QTGAL: variants seen among roughly 807,000 people sequenced by gnomAD.
QTGAL encodes BGnT-like protein 1.
the QTGAL span, among the ~76,000 whole-genome samples, chr17:82,951,314 A>G: frequency 3.3e-5 from 5 of 152,114 alleles, no homozygotes; most frequent in African/African-American, 4.8e-5. Flanking sequence ...CTCACCTCAC[A>G]CTCATATTAC....
At chr17:82,979,573 T>G in the QTGAL span, among the ~76,000 whole-genome samples, 1 of 152,320 alleles carries the variant, frequency 6.6e-6, no homozygotes, top group African/African-American at 2.4e-5. Context: ...TGTACAGGAC[T>G]TGTACACTAA....
At chr17:83,010,677 G>C in the QTGAL span, among the ~76,000 whole-genome samples, 27 of 152,370 alleles carry the variant, frequency 1.8e-4, no homozygotes, top group African/African-American at 6.5e-4. Flanking sequence ...TGGAAGTCCT[G>C]TTTATTTAAG....
the QTGAL span, among the ~76,000 whole-genome samples, chr17:83,020,346 A>C: frequency 6.6e-6 from 1 of 152,220 alleles, no homozygotes; most frequent in Non-Finnish European, 1.5e-5. Flanking sequence ...ACAATTACAA[A>C]GCCCAGGCCA....
At chr17:82,995,871 A>G in the QTGAL span, among the ~76,000 whole-genome samples, 1 of 152,268 alleles carries the variant, frequency 6.6e-6, no homozygotes, top group African/African-American at 2.4e-5. Flanking sequence ...TCTCATTTAC[A>G]ATAGTGATAA....
chr17:83,020,571 C>A, the QTGAL span, among the ~76,000 whole-genome samples: 4 of 152,334 alleles, frequency 2.6e-5, no homozygotes, highest in Middle Eastern at 3.4e-3. Flanking sequence ...AGCAGGACGC[C>A]CCTGGGGACA....
the QTGAL span, among the ~76,000 whole-genome samples, chr17:82,955,152 C>T: frequency 6.6e-6 from 1 of 152,198 alleles, no homozygotes; most frequent in East Asian, 1.9e-4. Context: ...GGAGCTTCTG[C>T]TCAGCAAAAG....
chr17:83,026,386 A>G, the QTGAL span, among the ~76,000 whole-genome samples: 1 of 152,276 alleles, frequency 6.6e-6, no homozygotes, highest in Non-Finnish European at 1.5e-5. Flanking sequence ...AAGCCTGTCC[A>G]CAGGAGGAAA....
the QTGAL span, among the ~76,000 whole-genome samples, chr17:83,051,289 CGCAGGAGCGAG>C: frequency 2.7e-4 from 33 of 120,886 alleles, no homozygotes; most frequent in African/African-American, 1.1e-3. Flanking sequence ...GGGGCAGGTG[CGCAGGAGCGAG>C]GCGGGAGCGA....
At chr17:83,038,731 C>T in the QTGAL span, among the ~76,000 whole-genome samples, 1 of 152,036 alleles carries the variant, frequency 6.6e-6, no homozygotes, top group Admixed American at 6.6e-5. Flanking sequence ...TGGTGGCGGG[C>T]TCCTGTAGTC....
chr17:83,038,155 T>C, the QTGAL span, among the ~76,000 whole-genome samples: 1 of 152,210 alleles, frequency 6.6e-6, no homozygotes, highest in Non-Finnish European at 1.5e-5. Context: ...ATCTATGTTA[T>C]CTAATAGTCA....
chr17:82,961,191 G>A, the QTGAL span: 39 of 1,603,990 alleles, frequency 2.4e-5, no homozygotes, highest in Admixed American at 1.4e-4. Context: ...CCTGCAGGGC[G>A]GGAGAAGCAG....
At chr17:83,007,923 T>G in the QTGAL span, among the ~76,000 whole-genome samples, 1 of 152,154 alleles carries the variant, frequency 6.6e-6, no homozygotes, top group Non-Finnish European at 1.5e-5. Context: ...GGCAGCAAGC[T>G]CTCTCCCGTG....
chr17:82,954,159 G>A, the QTGAL span, among the ~76,000 whole-genome samples: 14 of 152,296 alleles, frequency 9.2e-5, no homozygotes, highest in Middle Eastern at 0.014. Context: ...TCAGGCAAGA[G>A]AAAGAAATAA....
the QTGAL span, among the ~76,000 whole-genome samples, chr17:83,015,320 C>A: frequency 5.9e-5 from 9 of 152,254 alleles, no homozygotes; most frequent in Non-Finnish European, 1.0e-4. This position sits in a 1 kb window ranked among gnomAD's most constrained non-coding sequence, Gnocchi z 4.4. Context: ...TCCCTAAGAC[C>A]CTGACGTCTG....
At chr17:83,046,853 A>C in the QTGAL span, among the ~76,000 whole-genome samples, 1 of 152,220 alleles carries the variant, frequency 6.6e-6, no homozygotes, top group Non-Finnish European at 1.5e-5. Context: ...GACACACAAA[A>C]CATGGTACTT....
At chr17:82,956,756 GGCTTGGGTCT>G in the QTGAL span, 1 of 1,583,556 alleles carries the variant, frequency 6.3e-7, no homozygotes, top group Non-Finnish European at 8.6e-7. This position sits in a 1 kb window ranked among gnomAD's most constrained non-coding sequence, Gnocchi z 5.7. Flanking sequence ...GGGGATTCGG[GGCTTGGGTCT>G]TTCCTGAGAG....
the QTGAL span, among the ~76,000 whole-genome samples, chr17:82,960,120 G>A: frequency 1.3e-5 from 2 of 152,178 alleles, no homozygotes; most frequent in African/African-American, 4.8e-5. Flanking sequence ...TAAGGGAGAG[G>A]AGCGCGGACG....
the QTGAL span, among the ~76,000 whole-genome samples, chr17:83,023,836 G>T: frequency 6.6e-6 from 1 of 152,220 alleles, no homozygotes. Context: ...GGTTAGATGG[G>T]CCGATGCTTC....
the QTGAL span, among the ~76,000 whole-genome samples, chr17:82,989,176 T>C: frequency 6.6e-6 from 1 of 152,170 alleles, no homozygotes; most frequent in Admixed American, 6.5e-5. Context: ...TAAAAATGAA[T>C]GAGATCATGT....
Sources: allele counts gnomAD v4.1 joint callset (sites outside exome capture counted in the v4.1 genomes callset), GRCh38; gene constraint gnomAD v4.1.1; non-coding constraint Gnocchi (gnomAD v3.1); transcripts MANE v1.5; gene names NCBI Gene and HGNC (gene_info 2026-07-23, HGNC 2026-07-21).